Variants in CDH13 observed in about 807,000 individuals in gnomAD.
The protein encoded by CDH13 is cadherin 13.
In CDH13, 24 loss-of-function variants were observed where a neutral mutation model predicts 63.8. The observed-to-expected ratio is 0.38, with a 90% CI of 0.27 to 0.53. The LOEUF is 0.53. CDH13 is among the 20% of genes least tolerant of loss of function. The pLI is 0.85. For synonymous variants in CDH13, 503 were observed against 355.3 expected (o/e 1.42, Z -4.67); for missense variants, 1,049 against 903.1 (o/e 1.16, Z -2.07).
At chr16:83,434,847 ATGTGTGTGCGTGTGTG>A (rs1469997267) in intron 6 of CDH13, among the ~76,000 whole-genome samples, 23 of 81,492 alleles carry the variant, frequency 2.8e-4, no homozygotes, top group Admixed American at 2.6e-3. Context: ...ATATATATAT[ATGTGTGTGCGTGTGTG>A]TGTGTGTGTG....
At chr16:83,665,755 A>C (rs559892737) in intron 8 of CDH13, among the ~76,000 whole-genome samples, 3 of 152,240 alleles carry the variant, frequency 2.0e-5, no homozygotes, top group Admixed American at 1.3e-4. Context: ...GTCCTCTGTC[A>C]CTTCTTTCCC....
chr16:83,266,786 C>T (rs1037008348), intron 5 of CDH13, among the ~76,000 whole-genome samples: 2 of 152,184 alleles, frequency 1.3e-5, no homozygotes, highest in African/African-American at 4.8e-5. Context: ...GTACACTTTT[C>T]TTCTGGAATC....
Position 82,970,513 on chromosome 16 carries a change from C to T in CDH13, c.158-61497C>T, listed in dbSNP as rs1001748059. 8.4e-5 allele frequency among the ~76,000 whole-genome samples: 12 copies of T among 142,052 alleles called. 1 individual carries two copies. The highest frequency in any genetic ancestry group is 3.0e-4 in the African/African-American group (12 of 39,798). The allele number at this position is 142,052 out of a possible 152,430, so 93.2% of individuals were successfully genotyped here. A position where few individuals can be genotyped will look rare whatever the true frequency, so the allele number is the denominator to read the frequency against. ...TTCCCGGGTTCACGCCATTCTCCTG[C>T]CTCAGCCTCCCGAGTAGCTGGGACT... On this transcript the variant is annotated intron_variant, in intron 2 of 13. Coordinates refer to ENST00000567109, the MANE Select transcript of CDH13 (RefSeq NM_001257.5).
intron 11 of CDH13, among the ~76,000 whole-genome samples, chr16:83,766,732 G>A (rs1188299689): frequency 6.6e-6 from 1 of 152,210 alleles, no homozygotes; most frequent in African/African-American, 2.4e-5. Context: ...TGGTTTGGCT[G>A]TGTCCCCACC....
chr16:83,007,411 C>T (rs1454857685), intron 2 of CDH13, among the ~76,000 whole-genome samples: 38 of 152,162 alleles, frequency 2.5e-4, no homozygotes, highest in Non-Finnish European at 5.9e-5. Flanking sequence ...TTAGCTTCTC[C>T]AAGGTTATAT....
chr16:83,551,772 A>G (rs565248685), intron 7 of CDH13, among the ~76,000 whole-genome samples: 1 of 152,106 alleles, frequency 6.6e-6, no homozygotes, highest in African/African-American at 2.4e-5. Flanking sequence ...TGAATTGTCA[A>G]TTTGTCTACC....
At chr16:83,094,841 A>C (rs376720702) in intron 3 of CDH13, among the ~76,000 whole-genome samples, 3 of 152,318 alleles carry the variant, frequency 2.0e-5, no homozygotes. Context: ...TATAGCTTCC[A>C]AACTGTTAGC....
intron 5 of CDH13, among the ~76,000 whole-genome samples, chr16:83,307,120 GT>G (rs2089899494): frequency 6.6e-6 from 1 of 152,162 alleles, no homozygotes; most frequent in Non-Finnish European, 1.5e-5. Context: ...ACAACACAGG[GT>G]TTGCAGTCAC....
chr16:83,654,927 T>C (rs1912726933), intron 8 of CDH13: 1 of 152,264 alleles, frequency 6.6e-6, no homozygotes, highest in African/African-American at 2.4e-5. Context: ...CTGGGGCACG[T>C]GTTCTCAGTC....
intron 7 of CDH13, among the ~76,000 whole-genome samples, chr16:83,503,195 T>C (rs980126932): frequency 1.3e-5 from 2 of 152,184 alleles, no homozygotes; most frequent in Non-Finnish European, 2.9e-5. Flanking sequence ...CAAGTAGTGT[T>C]GAGAAACTAA....
At chr16:83,241,805 T>C (rs1241464555) in intron 5 of CDH13, among the ~76,000 whole-genome samples, 1 of 152,184 alleles carries the variant, frequency 6.6e-6, no homozygotes, top group East Asian at 1.9e-4. Context: ...TTCTGTTGAT[T>C]GTTTCCTTTG....
intron 6 of CDH13, among the ~76,000 whole-genome samples, chr16:83,449,618 G>A (rs2072824708): frequency 6.6e-6 from 1 of 152,138 alleles, no homozygotes; most frequent in Non-Finnish European, 1.5e-5. Context: ...TAAATACACA[G>A]GATGCAGTTC....
intron 1 of CDH13, among the ~76,000 whole-genome samples, chr16:82,726,499 C>G (rs765241225): frequency 1.3e-5 from 2 of 152,162 alleles, no homozygotes; most frequent in Non-Finnish European, 2.9e-5. Flanking sequence ...ATGAGCTGTT[C>G]AAAAACAGGT....
intron 1 of CDH13, among the ~76,000 whole-genome samples, chr16:82,673,130 C>A (rs150977073): frequency 1.9e-3 from 283 of 149,060 alleles, no homozygotes; most frequent in African/African-American, 6.7e-3. Context: ...GCATCAGTCA[C>A]TGTGCCCAGC....
intron 7 of CDH13, among the ~76,000 whole-genome samples, chr16:83,517,139 A>G (rs75828876): frequency 0.022 from 3,377 of 152,316 alleles, 126 homozygotes; most frequent in African/African-American, 0.076. Flanking sequence ...CAGTTCTAGC[A>G]TAAAAGGAAG....
intron 11 of CDH13, among the ~76,000 whole-genome samples, chr16:83,749,920 C>T (rs1013324297): frequency 8.5e-5 from 13 of 152,158 alleles, no homozygotes; most frequent in African/African-American, 2.4e-4. Flanking sequence ...GTAGGGCATG[C>T]TAGTTCTGGT....
chr16:82,902,334 CAG>C (rs1333421352), intron 2 of CDH13, among the ~76,000 whole-genome samples: 3 of 149,806 alleles, frequency 2.0e-5, no homozygotes, highest in Non-Finnish European at 4.4e-5. Flanking sequence ...ATAAAATAAA[CAG>C]AAATCAATTT....
At chr16:82,635,766 A>G (rs1908577191) in intron 1 of CDH13, among the ~76,000 whole-genome samples, 1 of 152,082 alleles carries the variant, frequency 6.6e-6, no homozygotes, top group Non-Finnish European at 1.5e-5. Flanking sequence ...TCATATTGTA[A>G]TCCCTAATGT....
intron 12 of CDH13, among the ~76,000 whole-genome samples, chr16:83,781,800 GA>G (rs766652251): frequency 5.9e-5 from 9 of 151,862 alleles, no homozygotes; most frequent in Admixed American, 1.3e-4. Flanking sequence ...TGAGCATCAG[GA>G]TAAATAGCCA....
Sources: gnomAD v4.1 joint callset for allele counts (sites outside exome capture counted in the v4.1 genomes callset) on GRCh38, gnomAD v4.1.1 for gene constraint, MANE v1.5 for transcripts, NCBI Gene and HGNC (gene_info 2026-07-23, HGNC 2026-07-21) for gene names.